MAGI2: variants seen among roughly 807,000 people sequenced by gnomAD.
MAGI2 encodes the protein membrane-associated guanylate kinase, WW and PDZ domain-containing protein 2.
MAGI2 carries 35 observed loss-of-function variants against 133.3 expected under a neutral mutation model. The observed-to-expected ratio is 0.26, with a 90% CI of 0.20 to 0.35. The LOEUF (loss-of-function observed/expected upper bound fraction) is 0.35, where lower values mean the gene tolerates loss of function less well. Ranked by LOEUF, MAGI2 falls within the 10% of genes least tolerant of loss-of-function variation. The pLI is 1.00. For missense variants in MAGI2, 1,636 were observed against 1,863.4 expected (o/e 0.88, Z 2.25); for synonymous variants, 729 against 710.6 (o/e 1.03, Z -0.41).
intron 3 of MAGI2, among the ~76,000 whole-genome samples, chr7:78,598,494 C>T (rs1804851346): frequency 6.6e-6 from 1 of 151,904 alleles, no homozygotes; most frequent in East Asian, 1.9e-4. Flanking sequence ...AAAGAAGTGA[C>T]ACTACAGAGA....
chr7:79,405,277 G>T (rs919873184), intron 1 of MAGI2, among the ~76,000 whole-genome samples: 1 of 152,108 alleles, frequency 6.6e-6, no homozygotes, highest in Non-Finnish European at 1.5e-5. Context: ...AATGTTAGGG[G>T]TTAGCGTGAA....
chr7:78,609,533 A>T (rs1806210224), intron 3 of MAGI2, among the ~76,000 whole-genome samples: 1 of 152,226 alleles, frequency 6.6e-6, no homozygotes, highest in African/African-American at 2.4e-5. Flanking sequence ...GCCTACATGC[A>T]CAAACATGTT....
At chr7:78,940,680 C>T (rs960427561) in intron 2 of MAGI2, 1 of 152,128 alleles carries the variant, frequency 6.6e-6, no homozygotes, top group African/African-American at 2.4e-5. Flanking sequence ...TTAGATAAGT[C>T]ATGAACCTAA....
chr7:78,183,486 G>A (rs551513350), intron 13 of MAGI2, among the ~76,000 whole-genome samples: 5 of 151,854 alleles, frequency 3.3e-5, no homozygotes, highest in South Asian at 2.1e-4. Flanking sequence ...GGATGGTCTC[G>A]ATCTCTTGAA....
At chr7:79,424,139 T>G (rs1847168931) in intron 1 of MAGI2, among the ~76,000 whole-genome samples, 2 of 152,110 alleles carry the variant, frequency 1.3e-5, no homozygotes, top group South Asian at 4.1e-4. Context: ...TGAGGCCATA[T>G]AGCTAGTGTC....
At chr7:79,116,255 G>T (rs986784373) in intron 1 of MAGI2, among the ~76,000 whole-genome samples, 2 of 152,022 alleles carry the variant, frequency 1.3e-5, no homozygotes, top group Non-Finnish European at 2.9e-5. Flanking sequence ...AGTGGCTAAG[G>T]CTCCCATAAC....
chr7:78,211,241 C>G (rs1787740003), intron 10 of MAGI2, among the ~76,000 whole-genome samples: 1 of 139,274 alleles, frequency 7.2e-6, no homozygotes, highest in Non-Finnish European at 1.6e-5. Context: ...CCCCCAGGAT[C>G]TGCCCCATGG....
In MAGI2 at chr7:78,343,758, T is replaced by A. The variant is rs780114324; in HGVS notation, c.1408+20A>T. 7.0e-7 allele frequency: 1 copy of A among 1,436,962 alleles called. No individual in the cohort carries two copies. Among genetic ancestry groups the A allele is most frequent in the Admixed American group, 2.7e-5 (1 of 37,658 alleles). 89.0% of individuals were successfully genotyped at this position (1,436,962 alleles called of 1,614,324 possible). On this transcript the variant is annotated intron_variant, in intron 9 of 21. Coordinates refer to ENST00000354212, the MANE Select transcript of MAGI2 (RefSeq NM_012301.4). ...AAAAAGATGTTGCAAAACAATTTTC[T>A]AAACCATGAAGGACCTTACCTGTTT...
At chr7:79,422,045 T>C (rs1171948680) in intron 1 of MAGI2, among the ~76,000 whole-genome samples, 12 of 152,002 alleles carry the variant, frequency 7.9e-5, no homozygotes, top group Admixed American at 7.9e-4. Context: ...ATGCAGCATC[T>C]GAAGAATGAT....
At chr7:79,295,765 G>C (rs148360751) in intron 1 of MAGI2, among the ~76,000 whole-genome samples, 1 of 151,884 alleles carries the variant, frequency 6.6e-6, no homozygotes, top group African/African-American at 2.4e-5. Context: ...ATTGTGCTTG[G>C]TACTTGGTAG....
At position 78,168,063 on chromosome 7, in the gene MAGI2, C is replaced by T. The variant is rs1251967750; in HGVS notation, c.2449G>A (p.Gly817Ser). 3 of 1,614,134 alleles carry T rather than the reference C, an allele frequency of 1.9e-6. No homozygotes were observed. Among genetic ancestry groups the T allele is most frequent in the Admixed American group, 3.3e-5 (2 of 60,014 alleles). The change falls in exon 15 of 22, where the codon GGC becomes AGC. Residue 817 changes from glycine (G) to serine (S), a missense_variant. Around this residue, in one of 5 missense-constraint regions of MAGI2, gnomAD observed 920 missense variants for 1,093.5 expected, o/e 0.84. Coordinates refer to ENST00000354212, the MANE Select transcript of MAGI2 (RefSeq NM_012301.4). ...AGCTCATCTCCTGGGTGAAGGCGGC[C>T]ATCTCTGTCGGCTGAGCCCATGGCA... Reference protein sequence around the residue: ...VIAMGSADRDGRLHPGDELVY... With the variant: ...VIAMGSADRDSRLHPGDELVY...
chr7:78,396,965 T>G (rs183473032), intron 6 of MAGI2, among the ~76,000 whole-genome samples: 1 of 152,266 alleles, frequency 6.6e-6, no homozygotes, highest in African/African-American at 2.4e-5. Context: ...ATTTAGCTTT[T>G]AGGTACAATT....
chr7:79,176,658 T>C (rs771699190), intron 1 of MAGI2, among the ~76,000 whole-genome samples: 3 of 152,028 alleles, frequency 2.0e-5, no homozygotes, highest in Non-Finnish European at 4.4e-5. Context: ...CCTTAGATCA[T>C]TATAGAATTT....
At chr7:79,389,083 A>G (rs1844415032) in intron 1 of MAGI2, among the ~76,000 whole-genome samples, 1 of 151,970 alleles carries the variant, frequency 6.6e-6, no homozygotes, top group Non-Finnish European at 1.5e-5. Flanking sequence ...GTTGATCTTA[A>G]GATTTCTTGA....
intron 1 of MAGI2, among the ~76,000 whole-genome samples, chr7:79,352,406 G>C (rs1841752057): frequency 1.3e-5 from 2 of 152,164 alleles, no homozygotes; most frequent in Non-Finnish European, 2.9e-5. Flanking sequence ...TAAAAGTCCT[G>C]GTTTTCTTGA....
chr7:79,079,165 C>T (rs1360020214), intron 1 of MAGI2, among the ~76,000 whole-genome samples: 2 of 152,094 alleles, frequency 1.3e-5, no homozygotes, highest in South Asian at 2.1e-4. Context: ...AATATAAAAT[C>T]ACTCAGTACC....
At chr7:78,803,548 G>C (rs1226824527) in intron 2 of MAGI2, among the ~76,000 whole-genome samples, 1 of 151,820 alleles carries the variant, frequency 6.6e-6, no homozygotes, top group Admixed American at 6.6e-5. Flanking sequence ...CAGTTCTTTT[G>C]TCATTCTGAT....
rs751365295 is a variant in MAGI2, at chr7:78,019,981, G to C, written c.3707-5C>G. On this transcript the variant is annotated splice_polypyrimidine_tract_variant and splice_region_variant and intron_variant, in intron 21 of 21. Coordinates refer to ENST00000354212, the MANE Select transcript of MAGI2 (RefSeq NM_012301.4). The stretch of plus-strand genomic sequence containing the variant: ...AACTCCAGGGGGCGGGTTCGTCTGT[G>C]GACGGGAAGCACAGGCGTTAGCAGT... 1.2e-6 allele frequency: 2 copies of C among 1,600,416 alleles called. No individual in the cohort carries two copies. Among genetic ancestry groups the C allele is most frequent in the Non-Finnish European group, 1.7e-6 (2 of 1,175,476 alleles).
chr7:78,597,021 G>A (rs937783825), intron 3 of MAGI2, among the ~76,000 whole-genome samples: 1 of 152,058 alleles, frequency 6.6e-6, no homozygotes, highest in Non-Finnish European at 1.5e-5. Flanking sequence ...GTTTGGAAGT[G>A]GGGAAAAAAA....
Sources: gnomAD v4.1 joint callset for allele counts (sites outside exome capture counted in the v4.1 genomes callset) on GRCh38, gnomAD v4.1.1 for gene constraint, gnomAD v4.1.1 regional missense constraint, MANE v1.5 for transcripts, NCBI Gene and HGNC (gene_info 2026-07-23, HGNC 2026-07-21) for gene names.